FILIP1: variants seen among roughly 807,000 people sequenced by gnomAD.
The protein encoded by FILIP1 is filamin A interacting protein 1.
FILIP1 carries 61 observed loss-of-function variants against 102.1 expected under a neutral mutation model. The ratio of observed to expected loss-of-function variants is 0.60; its 90% CI spans 0.49 to 0.74. The LOEUF is 0.74. Among genes scored for constraint, FILIP1 ranks in the 30% least tolerant of loss-of-function variants. FILIP1 has a pLI of 0.00. For missense variants in FILIP1, 1,314 were observed against 1,441.2 expected, an observed-to-expected ratio of 0.91 and a Z score of 1.43; for synonymous variants, 491 against 526.9, an observed-to-expected ratio of 0.93 and a Z score of 0.93.
intron 2 of FILIP1, among the ~76,000 whole-genome samples, chr6:75,405,333 A>G (rs910342149): frequency 3.3e-5 from 5 of 152,198 alleles, no homozygotes; most frequent in African/African-American, 1.2e-4. Context: ...GTGCCACACA[A>G]TTAATTTCCA....
At chr6:75,384,902 C>T (rs1776032491) in intron 2 of FILIP1, 1 of 151,040 alleles carries the variant, frequency 6.6e-6, no homozygotes, top group African/African-American at 2.4e-5. Context: ...TCAATTGATC[C>T]CCGCGCCTCA....
chr6:75,333,587 A>G (rs1329261871), intron 4 of FILIP1, among the ~76,000 whole-genome samples: 1 of 152,186 alleles, frequency 6.6e-6, no homozygotes, highest in Non-Finnish European at 1.5e-5. Context: ...GAGACAAAAC[A>G]GTATTAACAA....
intron 4 of FILIP1, among the ~76,000 whole-genome samples, chr6:75,321,813 A>G (rs1352683180): frequency 6.8e-6 from 1 of 146,562 alleles, no homozygotes; most frequent in African/African-American, 2.5e-5. Context: ...AAAAAAAAAA[A>G]AAGAAATGAA....
chr6:75,310,288 T>C (rs1029886755), intron 5 of FILIP1, among the ~76,000 whole-genome samples: 3 of 152,262 alleles, frequency 2.0e-5, no homozygotes, highest in African/African-American at 7.2e-5. Context: ...GGCTCCTTTG[T>C]ACATACCTCT....
At chr6:75,382,751 T>C (rs1775946944) in intron 2 of FILIP1, among the ~76,000 whole-genome samples, 1 of 152,278 alleles carries the variant, frequency 6.6e-6, no homozygotes, top group African/African-American at 2.4e-5. Context: ...AGCAAAGCTT[T>C]TAGGGCTTAG....
intron 2 of FILIP1, chr6:75,399,033 C>T (rs1056277816): frequency 2.0e-5 from 3 of 152,184 alleles, no homozygotes; most frequent in African/African-American, 7.2e-5. Context: ...TCTCTAGTAA[C>T]AAACTATGAA....
intron 3 of FILIP1, chr6:75,362,008 C>T (rs886570153): frequency 2.0e-5 from 3 of 152,194 alleles, no homozygotes; most frequent in African/African-American, 7.2e-5. Flanking sequence ...ACATGTTAAA[C>T]GTATAGTAAG....
chr6:75,357,588 T>C (rs910124621), intron 3 of FILIP1, among the ~76,000 whole-genome samples: 15 of 152,212 alleles, frequency 9.9e-5, no homozygotes, highest in African/African-American at 3.1e-4. Flanking sequence ...TACTGAGGCA[T>C]TGGTGTATGT....
chr6:75,299,960 A>G (rs762280105), intron 6 of FILIP1, among the ~76,000 whole-genome samples: 2 of 152,160 alleles, frequency 1.3e-5, no homozygotes, highest in Non-Finnish European at 2.9e-5. Context: ...CTGAGTGCAG[A>G]GTGAGGCAAC....
At chr6:75,387,345 A>G (rs1435583371) in intron 2 of FILIP1, among the ~76,000 whole-genome samples, 1 of 152,182 alleles carries the variant, frequency 6.6e-6, no homozygotes, top group Admixed American at 6.5e-5. Context: ...GTGCTGCAAT[A>G]AACATATGTG....
intron 6 of FILIP1, among the ~76,000 whole-genome samples, chr6:75,300,396 A>C (rs1772807080): frequency 6.6e-6 from 1 of 152,150 alleles, no homozygotes; most frequent in South Asian, 2.1e-4. Flanking sequence ...TAGAGGTACC[A>C]GCTTAGGGTT....
At chr6:75,303,957 A>G (rs1019525651), downstream of FILIP1, among the ~76,000 whole-genome samples, 1 of 152,144 alleles carries the variant, frequency 6.6e-6, no homozygotes, top group African/African-American at 2.4e-5. Context: ...CTGAATATGG[A>G]AGCAGAGGGC....
At chr6:75,335,327 C>A (rs1774206390) in intron 4 of FILIP1, among the ~76,000 whole-genome samples, 2 of 152,034 alleles carry the variant, frequency 1.3e-5, no homozygotes, top group Non-Finnish European at 2.9e-5. Flanking sequence ...TTTTAAATGG[C>A]AAAAACTGCT....
At chr6:75,380,038 T>C (rs1279801245) in intron 2 of FILIP1, among the ~76,000 whole-genome samples, 1 of 152,186 alleles carries the variant, frequency 6.6e-6, no homozygotes, top group Middle Eastern at 3.2e-3. Context: ...TGCCTAAAGA[T>C]AGTATCTGGC....
rs1777807723 is a variant in FILIP1, at chr6:75,431,083, A to G, written c.-6-16105T>C. ...ATGTTCAGCCTTCAGTTTGTCCTTC[A>G]TACGGCACTGTTATCCATTCACATC... On this transcript the variant is annotated intron_variant, in intron 1 of 5. Transcript: ENST00000237172. Among the ~76,000 whole-genome samples the G allele has an allele frequency of 3.3e-5, 5 of 152,222 alleles. No individual in the cohort carries two copies. In the South Asian group the frequency reaches 1.0e-3, roughly 32 times the overall value.
intron 1 of FILIP1, among the ~76,000 whole-genome samples, chr6:75,472,276 C>G (rs1229802045): frequency 2.6e-5 from 4 of 151,964 alleles, no homozygotes; most frequent in African/African-American, 7.2e-5. Flanking sequence ...GATGAAGTTT[C>G]ATTTACCCAC....
At chr6:75,395,074 A>G (rs1015709098) in intron 2 of FILIP1, among the ~76,000 whole-genome samples, 3 of 152,042 alleles carry the variant, frequency 2.0e-5, no homozygotes, top group Admixed American at 6.6e-5. Context: ...TAAAATCTCT[A>G]TGTGTACTAA....
downstream of FILIP1, among the ~76,000 whole-genome samples, chr6:75,307,014 G>C (rs1773007279): frequency 6.6e-6 from 1 of 152,130 alleles, no homozygotes; most frequent in African/African-American, 2.4e-5. Flanking sequence ...TGTTGGCCAG[G>C]CTGGTCTCGA....
chr6:75,369,624 T>G (rs1775450379), intron 2 of FILIP1, among the ~76,000 whole-genome samples: 1 of 152,230 alleles, frequency 6.6e-6, no homozygotes, highest in African/African-American at 2.4e-5. Flanking sequence ...TACTTAGTTC[T>G]TATGCTCCTA....
Sources: allele counts gnomAD v4.1 joint callset (sites outside exome capture counted in the v4.1 genomes callset), GRCh38; gene constraint gnomAD v4.1.1; transcripts MANE v1.5; gene names NCBI Gene and HGNC (gene_info 2026-07-23, HGNC 2026-07-21).